The following ZSCAN29 variants were observed in gnomAD, a reference collection of about 807,000 sequenced individuals.
ZSCAN29 encodes zinc finger and SCAN domain containing 29, also known as zinc finger and SCAN domain-containing protein 29.
In ZSCAN29, 55 loss-of-function variants were observed where a neutral mutation model predicts 71.9. The ratio of observed to expected loss-of-function variants is 0.76; its 90% CI spans 0.62 to 0.96. ZSCAN29 has a LOEUF of 0.96. ZSCAN29 is among the 40% of genes least tolerant of loss of function. The pLI is 0.00. For synonymous variants in ZSCAN29, 351 were observed against 371.6 expected (o/e 0.94, Z 0.64); for missense variants, 1,042 against 1,042.2 (o/e 1.00, Z 0.00).
At position 43,364,010 on chromosome 15, in the gene ZSCAN29, GC is replaced by G; in HGVS notation, c.1594del (p.Ala532ProfsTer21). On this transcript the variant is annotated frameshift_variant, in exon 5 of 6. Transcript: ENST00000684362. LOFTEE classifies it high-confidence loss of function. ...AQKQAEEADE[A>X]TEEDSDDDEE... is the part of the protein sequence containing the mutation. ...ATCATCATCAGAATCTTCCTCTGTG[GC>G]CTCGTCTGCTTCCTCAGCTTGCTTC... 1 of 1,614,094 alleles carries G rather than the reference GC, an allele frequency of 6.2e-7. No homozygotes were observed. The highest frequency in any genetic ancestry group is 8.5e-7 in the Non-Finnish European group (1 of 1,180,026).
intron 4 of ZSCAN29, 177 bp from the exon 5 acceptor site, chr15:43,364,559 A>G (rs1047194799): frequency 2.8e-6 from 2 of 716,132 alleles, no homozygotes; most frequent in African/African-American, 3.5e-5. Context: ...TTGCTTCTTT[A>G]TATCCTTTAG....
In ZSCAN29 at chr15:43,366,335, C is replaced by A; in HGVS notation, c.997G>T (p.Ala333Ser). The change falls in exon 4 of 6, where the codon GCT becomes TCT. Residue 333 changes from alanine to serine, a missense_variant. Transcript: ENST00000684362. ...TTACTGGGCAGGGCAATGACCTGAG[C>A]ACTCATCAGGGCTTCCATCTCTTCA... The part of the protein sequence containing the change: ...FFEEMEALMS[A>S]QVIALPSNGL... 6.2e-7 allele frequency: 1 copy of A among 1,613,498 alleles called. No homozygotes were observed.
At position 43,364,157 on chromosome 15, in the gene ZSCAN29, G is replaced by C; in HGVS notation, c.1448C>G (p.Thr483Ser). Reference sequence around the variant, plus strand: ...ATCCATCTCTTCAAAGAAGGGACAGGTCTCTGGTGCCTGGCCATTCTTAAC... The same window carrying C: ...ATCCATCTCTTCAAAGAAGGGACAGCTCTCTGGTGCCTGGCCATTCTTAAC... ...RKVKNGQAPE[T>S]CPFFEEMDAL... The change falls in exon 5 of 6, where the codon ACC (threonine) becomes AGC (serine). Residue 483 changes from threonine to serine, a missense_variant. Thr to Ser is a moderately conservative substitution (Grantham distance 58). Transcript: ENST00000684362. 2 of 1,614,206 alleles carry C rather than the reference G, an allele frequency of 1.2e-6. No homozygotes were observed. The highest frequency in any genetic ancestry group is 8.5e-7 in the Non-Finnish European group (1 of 1,180,044).
chr15:43,364,776 T>G (rs1471942397), intron 4 of ZSCAN29, among the ~76,000 whole-genome samples: 3 of 150,800 alleles, frequency 2.0e-5, no homozygotes, highest in Non-Finnish European at 2.9e-5. Context: ...TAGTCCCAGC[T>G]ACTTGGGAGG....
rs777303762 is a variant in ZSCAN29, at chr15:43,366,597, A to G, written c.735T>C (p.Gly245=). ...TGGTCTCTTCATAGCCCCAGTGCAC[A>G]CCTGCCACCTTCTCATCTTCAAAGC... ...HWSFEDEKVA[G]VHWGYEETRT... The change falls in exon 4 of 6, where the codon GGT becomes GGC. Residue 245 remains glycine (G), a synonymous_variant. Transcript: ENST00000684362. 1.9e-6 allele frequency: 3 copies of G among 1,614,192 alleles called. No homozygotes were observed. The highest frequency in any genetic ancestry group is 2.2e-5 in the South Asian group (2 of 91,084).
chr15:43,369,418 GA>G, intron 2 of ZSCAN29, 177 bp downstream of exon 2: 1 of 670,724 alleles, frequency 1.5e-6, no homozygotes, highest in Non-Finnish European at 2.4e-6. Flanking sequence ...CAGGGTAGGT[GA>G]AGGTACACCC....
At position 43,370,027 on chromosome 15, in the gene ZSCAN29, T is replaced by C. The variant is rs1310728206; in HGVS notation, c.-112-2A>G. On this transcript the variant is annotated splice_acceptor_variant, in intron 1 of 5. Coordinates refer to ENST00000684362, the MANE Select transcript of ZSCAN29 (RefSeq NM_001372080.1). LOFTEE classifies it low-confidence loss of function (5UTR_SPLICE). ...GATGACTGTAAGAGGTGTTTCTTCC[T>C]AGGGCAGAGAAAGATGGCACTATCA... 3.6e-6 allele frequency: 4 copies of C among 1,099,056 alleles called. No homozygotes were observed. The highest frequency in any genetic ancestry group is 2.9e-4 in the Middle Eastern group (1 of 3,414). 68.1% of individuals were successfully genotyped at this position (1,099,056 alleles called of 1,614,324 possible).
At chr15:43,369,212 T>C in intron 2 of ZSCAN29, 85 bp from the exon 3 acceptor site, 2 of 1,371,276 alleles carry the variant, frequency 1.5e-6, no homozygotes, top group Middle Eastern at 2.5e-4. Context: ...CCAAAAGAGA[T>C]CATCTTTCAG....
chr15:43,369,584 C>A lies in ZSCAN29; in HGVS notation c.318+12G>T, dbSNP rs750615392. Reference sequence around the variant, plus strand: ...TCACACTTTTGAATTTGAATTCCCCCTCCCTTCTCACCGAAGATCTAGGTC... The same window carrying A: ...TCACACTTTTGAATTTGAATTCCCCATCCCTTCTCACCGAAGATCTAGGTC... On this transcript the variant is annotated intron_variant, in intron 2 of 5. Transcript: ENST00000684362. 6.2e-7 allele frequency: 1 copy of A among 1,606,414 alleles called. No individual in the cohort carries two copies. The highest frequency in any genetic ancestry group is 2.2e-5 in the East Asian group (1 of 44,780).
rs1170720105 is a variant in ZSCAN29 at position 43,361,597 on chromosome 15, T to C, written c.2035A>G (p.Lys679Glu). The change falls in exon 6 of 6, where the codon AAA (lysine) becomes GAA (glutamate). Residue 679 changes from lysine to glutamate, a missense_variant. Lys to Glu is a moderately conservative substitution (Grantham distance 56). Transcript: ENST00000684362. The part of the protein sequence containing the change: ...QVSHQVENPY[K>E]CADCGKSFSR... Reference sequence around the variant, plus strand: ...AAGCTTTTCCCACAATCAGCACATTTATATGGATTTTCCACCTGGTGGGAT... The same window carrying C: ...AAGCTTTTCCCACAATCAGCACATTCATATGGATTTTCCACCTGGTGGGAT... 9.9e-6 allele frequency: 16 copies of C among 1,614,206 alleles called. No homozygotes were observed. The South Asian group carries it at 1.6e-4, about 17-fold the overall frequency.
intron 3 of ZSCAN29, among the ~76,000 whole-genome samples, chr15:43,367,474 C>T (rs113120796): frequency 6.3e-4 from 96 of 152,252 alleles, no homozygotes; most frequent in African/African-American, 2.2e-3. Context: ...TTTTAATTCC[C>T]TCCTATCCAA....
chr15:43,362,276 C>G (rs1265409823), intron 5 of ZSCAN29, among the ~76,000 whole-genome samples: 1 of 152,140 alleles, frequency 6.6e-6, no homozygotes, highest in East Asian at 1.9e-4. Flanking sequence ...AAGACACTTT[C>G]TAATACGTAT....
At chr15:43,363,680 C>T (rs985130512) in intron 5 of ZSCAN29, 3 of 441,314 alleles carry the variant, frequency 6.8e-6, no homozygotes, top group African/African-American at 3.9e-5. Context: ...GAATAAATCA[C>T]AGCAAATTTA....
rs568286500 is a variant in ZSCAN29 at position 43,359,178 on chromosome 15, C to T, written c.*1895G>A. The T allele has an allele frequency of 6.6e-6, 1 of 152,330 alleles. No homozygotes were observed. Among genetic ancestry groups the T allele is most frequent in the South Asian group, 2.1e-4 (1 of 4,828 alleles). 9.4% of individuals were successfully genotyped at this position (152,330 alleles called of 1,614,324 possible). On this transcript the variant is annotated 3_prime_UTR_variant, in exon 6 of 6. Transcript: ENST00000684362. ...TCCTGAATAAAGAGAAAAAATACCT[C>T]CCAGATTTTTGTTAAAGCAAACTAA... is the stretch of plus-strand genomic sequence containing the variant.
chr15:43,362,374 C>T (rs2043991284), intron 5 of ZSCAN29, among the ~76,000 whole-genome samples: 1 of 152,178 alleles, frequency 6.6e-6, no homozygotes, highest in African/African-American at 2.4e-5. Flanking sequence ...CTCAGGAAAA[C>T]ATTTTTGGAA....
chr15:43,362,925 A>G (rs1044629210), intron 5 of ZSCAN29, among the ~76,000 whole-genome samples: 1 of 152,230 alleles, frequency 6.6e-6, no homozygotes. Context: ...GGCACTGTGC[A>G]CAGTACCTCA....
rs2043950138 is a variant in ZSCAN29 at position 43,358,184 on chromosome 15, A to AT, written c.*2888dup. The AT allele has an allele frequency of 6.6e-6, 1 of 152,596 alleles. No homozygotes were observed. Among genetic ancestry groups the AT allele is most frequent in the Non-Finnish European group, 1.5e-5 (1 of 68,032 alleles). 9.5% of individuals were successfully genotyped at this position (152,596 alleles called of 1,614,324 possible). A position where few individuals can be genotyped will look rare whatever the true frequency, so the allele number is the denominator to read the frequency against. On this transcript the variant is annotated 3_prime_UTR_variant, in exon 6 of 6. Transcript: ENST00000684362. The stretch of plus-strand genomic sequence containing the variant: ...AAGAAACACCAGGCACTTTATAGAC[A>AT]TGATTTTTATTAATATGGTATCCCT...
Position 43,366,788 on chromosome 15 carries a change from C to G in ZSCAN29, c.544G>C (p.Gly182Arg). 1 of 1,610,074 alleles carries G rather than the reference C, an allele frequency of 6.2e-7. No homozygotes were observed. Among genetic ancestry groups the G allele is most frequent in the Non-Finnish European group, 8.5e-7 (1 of 1,178,736 alleles). ...CCTTGCTCCAACCTGGAGACCACACCGGATTTAGGAAATGGCAATCCTGCT... is the reference window on the plus strand; with the variant it reads ...CCTTGCTCCAACCTGGAGACCACACGGGATTTAGGAAATGGCAATCCTGCT... ...QRSGLPFPKS[G>R]VVSRLEQGEP... Residue 182 changes from glycine to arginine, a missense_variant, in exon 4 of 6, where the codon GGT becomes CGT. By Grantham distance (125) the Gly-to-Arg change is moderately radical. Coordinates refer to ENST00000684362, the MANE Select transcript of ZSCAN29 (RefSeq NM_001372080.1).
In ZSCAN29 at chr15:43,360,838, T is replaced by C; in HGVS notation, c.*235A>G. On this transcript the variant is annotated 3_prime_UTR_variant, in exon 6 of 6. Coordinates refer to ENST00000684362, the MANE Select transcript of ZSCAN29 (RefSeq NM_001372080.1). Reference sequence around the variant, plus strand: ...CATAGGCACTGAGAGGGAAAAGATGTTATCCATCAATTCAGATGCAGGCAA... The same window carrying C: ...CATAGGCACTGAGAGGGAAAAGATGCTATCCATCAATTCAGATGCAGGCAA... 1.9e-6 allele frequency: 1 copy of C among 518,272 alleles called. No homozygotes were observed. The allele number at this position is 518,272 out of a possible 1,614,324, so 32.1% of individuals were successfully genotyped here. A position where few individuals can be genotyped will look rare whatever the true frequency, so the allele number is the denominator to read the frequency against.
Sources: gnomAD v4.1 joint callset for allele counts (sites outside exome capture counted in the v4.1 genomes callset) on GRCh38, gnomAD v4.1.1 for gene constraint, MANE v1.5 for transcripts, NCBI Gene and HGNC (gene_info 2026-07-23, HGNC 2026-07-21) for gene names.